PHF20: variants seen among roughly 807,000 people sequenced by gnomAD.
PHF20 encodes PHD finger protein 20.
In PHF20, 23 loss-of-function variants were observed where a neutral mutation model predicts 113.5. The observed-to-expected ratio is 0.20, with a 90% CI of 0.15 to 0.29. The LOEUF (loss-of-function observed/expected upper bound fraction) is 0.29. Among genes scored for constraint, PHF20 ranks in the 10% least tolerant of loss-of-function variants. PHF20 has a pLI of 1.00. For synonymous variants in PHF20, 434 were observed against 457.3 expected, an observed-to-expected ratio of 0.95 and a Z score of 0.65; for missense variants, 943 against 1,219.6, an observed-to-expected ratio of 0.77 and a Z score of 3.38.
intron 3 of PHF20, among the ~76,000 whole-genome samples, chr20:35,846,079 A>C (rs6121063): frequency 0.012 from 1,831 of 151,280 alleles, 25 homozygotes; most frequent in African/African-American, 0.042. Flanking sequence ...TTCTGTTTTA[A>C]CCCTATTAGG....
chr20:35,898,378 G>GT (rs2055030583), intron 9 of PHF20, among the ~76,000 whole-genome samples: 1 of 152,178 alleles, frequency 6.6e-6, no homozygotes, highest in Non-Finnish European at 1.5e-5. Context: ...GGTAGTAAAT[G>GT]TAAGTCTGAT....
At chr20:35,830,782 T>C (rs1156316542) in intron 2 of PHF20, among the ~76,000 whole-genome samples, 2 of 152,072 alleles carry the variant, frequency 1.3e-5, no homozygotes, top group African/African-American at 2.4e-5. Context: ...GCAGGTTTGT[T>C]GCATAGGTAA....
At chr20:35,814,363 G>T (rs932537766) in intron 2 of PHF20, among the ~76,000 whole-genome samples, 1 of 151,570 alleles carries the variant, frequency 6.6e-6, no homozygotes, top group African/African-American at 2.4e-5. Context: ...GACTACAGGC[G>T]CATGCCACCA....
chr20:35,930,900 T>C (rs2055739972), intron 14 of PHF20, among the ~76,000 whole-genome samples: 1 of 151,728 alleles, frequency 6.6e-6, no homozygotes, highest in African/African-American at 2.4e-5. Flanking sequence ...AGTTAGAGAG[T>C]TGGGGCTTTG....
At chr20:35,815,498 T>C (rs1309368775) in intron 2 of PHF20, among the ~76,000 whole-genome samples, 1 of 137,922 alleles carries the variant, frequency 7.3e-6, no homozygotes, top group Non-Finnish European at 1.6e-5. Flanking sequence ...AGTCTTGCTG[T>C]GTGTCTCCCA....
intron 2 of PHF20, among the ~76,000 whole-genome samples, chr20:35,809,748 G>A (rs2041945263): frequency 6.6e-6 from 1 of 151,672 alleles, no homozygotes; most frequent in Non-Finnish European, 1.5e-5. Context: ...GGGCATGGTG[G>A]TACATGCCTG....
At chr20:35,865,180 A>C (rs1198725766) in intron 6 of PHF20, among the ~76,000 whole-genome samples, 2 of 151,430 alleles carry the variant, frequency 1.3e-5, no homozygotes, top group Non-Finnish European at 2.9e-5. Context: ...GCGACAAAAC[A>C]AAAAAAAATT....
At chr20:35,826,870 G>T (rs151326792) in intron 2 of PHF20, among the ~76,000 whole-genome samples, 1 of 152,228 alleles carries the variant, frequency 6.6e-6, no homozygotes, top group African/African-American at 2.4e-5. Flanking sequence ...AGAGAGGAAA[G>T]ATAAATTTAA....
chr20:35,931,475 G>T (rs1401126294), intron 15 of PHF20, 31 bp downstream of exon 15: 1 of 1,572,742 alleles, frequency 6.4e-7, no homozygotes, highest in South Asian at 1.1e-5. Context: ...GCTGGGAGCA[G>T]TCTGTTTGGC....
At chr20:35,881,699 A>T (rs1445762892) in intron 9 of PHF20, among the ~76,000 whole-genome samples, 1 of 152,042 alleles carries the variant, frequency 6.6e-6, no homozygotes, top group East Asian at 1.9e-4. Flanking sequence ...TCTTGTTTTT[A>T]TTCTATATGC....
chr20:35,801,414 T>C, intron 1 of PHF20, 77 bp from the exon 2 acceptor site: 2 of 683,772 alleles, frequency 2.9e-6, no homozygotes, highest in Non-Finnish European at 5.1e-6. Flanking sequence ...ATGCCTGTTT[T>C]TTTATGTGTA....
At chr20:35,860,237 A>ATTTT (rs34253757) in intron 5 of PHF20, among the ~76,000 whole-genome samples, 1 of 129,760 alleles carries the variant, frequency 7.7e-6, no homozygotes, top group Admixed American at 7.9e-5. Context: ...TTTCTAAGAA[A>ATTTT]TTTTTTTTTT....
intron 2 of PHF20, among the ~76,000 whole-genome samples, chr20:35,823,245 C>T (rs964156252): frequency 4.0e-5 from 6 of 151,862 alleles, no homozygotes; most frequent in Non-Finnish European, 8.8e-5. Context: ...TAGTAAAATT[C>T]GCTCTTTTTC....
chr20:35,795,909 C>T lies in PHF20; in HGVS notation c.-32-5582C>T, dbSNP rs180803052. On this transcript the variant is annotated intron_variant, in intron 1 of 17. Transcript: ENST00000374012. ...TCTGTCGCCCAGGCTGGAGTGCAGT[C>T]GTGTGATCTCAGCTCACTGCAACCT... Among the ~76,000 whole-genome samples the T allele has an allele frequency of 1.3e-3, 204 of 152,056 alleles. 4 individuals are homozygous for T. The highest frequency in any genetic ancestry group is 0.013 in the Admixed American group (202 of 15,252).
At position 35,858,527 on chromosome 20, in the gene PHF20, G is replaced by A. The variant is rs183730245; in HGVS notation, c.420+146G>A. ...AATTTCACCAGAAAATAATACACAAGTTTTCAGAAGTTGTAAATATTTGTC... is the reference window on the plus strand; with the variant it reads ...AATTTCACCAGAAAATAATACACAAATTTTCAGAAGTTGTAAATATTTGTC... On this transcript the variant is annotated intron_variant, in intron 5 of 17. Coordinates refer to ENST00000374012, the MANE Select transcript of PHF20 (RefSeq NM_016436.5). 6.5e-5 allele frequency: 35 copies of A among 540,336 alleles called. No homozygotes were observed. The Admixed American group carries it at 8.2e-4, about 13-fold the overall frequency. 33.5% of individuals were successfully genotyped at this position (540,336 alleles called of 1,614,324 possible).
At chr20:35,924,188 T>G (rs1020535613) in intron 13 of PHF20, among the ~76,000 whole-genome samples, 1 of 151,324 alleles carries the variant, frequency 6.6e-6, no homozygotes, top group Non-Finnish European at 1.5e-5. Context: ...TTTTCTTTTC[T>G]TTTCTTTTTT....
In PHF20 at chr20:35,801,379, T is replaced by A. The variant is rs2041778209; in HGVS notation, c.-32-112T>A. On this transcript the variant is annotated intron_variant, in intron 1 of 17. Transcript: ENST00000374012. ...GTTAGAATGAGGACACCAACAGGGT[T>A]TCATGGAGCTTTGTGTTTTGAATAA... The A allele has an allele frequency of 5.2e-6, 3 of 574,310 alleles. No homozygotes were observed. In the Admixed American group the frequency reaches 9.2e-5, roughly 18 times the overall value. The allele number at this position is 574,310 out of a possible 1,614,324, so 35.6% of individuals were successfully genotyped here.
At chr20:35,902,055 C>T (rs1177142250) in intron 10 of PHF20, among the ~76,000 whole-genome samples, 2 of 152,136 alleles carry the variant, frequency 1.3e-5, no homozygotes, top group Non-Finnish European at 2.9e-5. Flanking sequence ...CCTTCTTCCC[C>T]TTGCTTTCTA....
Position 35,941,013 on chromosome 20 carries a change from G to A in PHF20, c.2862G>A (p.Thr954=), listed in dbSNP as rs577932903. ...TGGAATCTCTTCAGGATGAAGTTAC[G>A]CACAGGATGGACTCCATTGAGAAGG... ...THVESLQDEV[T]HRMDSIEKEL... Residue 954 remains threonine, a synonymous_variant, in exon 17 of 18, where the codon ACG becomes ACA. Transcript: ENST00000374012. 3.0e-5 allele frequency: 49 copies of A among 1,614,050 alleles called. No homozygotes were observed. Among genetic ancestry groups the A allele is most frequent in the Middle Eastern group, 3.3e-4 (2 of 6,062 alleles).
Sources: gnomAD v4.1 joint callset for allele counts (sites outside exome capture counted in the v4.1 genomes callset) on GRCh38, gnomAD v4.1.1 for gene constraint, MANE v1.5 for transcripts, NCBI Gene and HGNC (gene_info 2026-07-23, HGNC 2026-07-21) for gene names.